RHD: variants seen among roughly 807,000 people sequenced by gnomAD.
RHD encodes the protein blood group Rh(D) polypeptide.
A neutral mutation model predicts 45.5 loss-of-function variants in RHD; 16 were observed. That is an observed-to-expected ratio of 0.35 (90% confidence interval 0.24 to 0.53). The LOEUF (loss-of-function observed/expected upper bound fraction) is 0.53. Ranked by LOEUF, RHD falls within the 20% of genes least tolerant of loss-of-function variation. The pLI is 0.92. For missense variants in RHD, 306 were observed against 532.0 expected (o/e 0.58, Z 4.18); for synonymous variants, 131 against 217.5 (o/e 0.60, Z 3.50).
chr1:25,321,461 G>C (rs1571756413), intron 8 of RHD, among the ~76,000 whole-genome samples: 1 of 111,532 alleles, frequency 9.0e-6, no homozygotes, highest in East Asian at 2.1e-4. Flanking sequence ...GGGAGTTCGA[G>C]ACCAGCCTGG....
At chr1:25,305,566 T>G (rs1174967385) in intron 6 of RHD, among the ~76,000 whole-genome samples, 1 of 123,202 alleles carries the variant, frequency 8.1e-6, no homozygotes, top group African/African-American at 2.8e-5. Context: ...CTGGCTAATT[T>G]TCGTGTGTGT....
intron 7 of RHD, chr1:25,307,844 G>A (rs1323770789): frequency 7.7e-7 from 1 of 1,297,098 alleles, no homozygotes; most frequent in African/African-American, 1.5e-5. Context: ...GGGATGAGGA[G>A]GGGATGAGCT....
Position 25,318,456 on chromosome 1 carries a change from C to T in RHD, c.1153+1377C>T, listed in dbSNP as rs376198514. Among the ~76,000 whole-genome samples, 7 of 129,972 alleles carry T rather than the reference C, an allele frequency of 5.4e-5. 1 individual carries two copies. The highest frequency in any genetic ancestry group is 4.7e-4 in the South Asian group (2 of 4,216). The allele number at this position is 129,972 out of a possible 152,430, so 85.3% of individuals were successfully genotyped here. A position where few individuals can be genotyped will look rare whatever the true frequency, so the allele number is the denominator to read the frequency against. On this transcript the variant is annotated intron_variant, in intron 8 of 9. Coordinates refer to ENST00000328664, the MANE Select transcript of RHD (RefSeq NM_016124.6). The stretch of plus-strand genomic sequence containing the variant: ...TACAAAAATTAGCCAGGCGTGGTGG[C>T]GTGTGCCTGTAGTCCCAGCTACTGG...
In RHD at chr1:25,303,477, T is replaced by C. The variant is rs374901876; in HGVS notation, c.939+18T>C. 3 of 1,378,372 alleles carry C rather than the reference T, an allele frequency of 2.2e-6. No individual in the cohort carries two copies. The African/African-American group carries it at 4.3e-5, about 20-fold the overall frequency. The allele number at this position is 1,378,372 out of a possible 1,614,324, so 85.4% of individuals were successfully genotyped here. ...ACCTGCCGGTAAGAAACTAGACAAC[T>C]AACCTCCTCTGCTTTGGCTGAAGGC... On this transcript the variant is annotated intron_variant, in intron 6 of 9. Transcript: ENST00000328664.
chr1:25,291,095 G>A (rs112946367), intron 3 of RHD, among the ~76,000 whole-genome samples: 2,324 of 130,142 alleles, frequency 0.018, 255 homozygotes, highest in African/African-American at 0.057. Flanking sequence ...GTTAGGGACC[G>A]AGCTGGGCAA....
rs565809384 is a variant in RHD at position 25,289,178 on chromosome 1, C to A, written c.336-1463C>A. On this transcript the variant is annotated intron_variant, in intron 2 of 9. Transcript: ENST00000328664. Reference sequence around the variant, plus strand: ...TGGGATACTGAATGGTGAGCTAGCACGATTTTACAGAGAGTGAATTTTTTT... The same window carrying A: ...TGGGATACTGAATGGTGAGCTAGCAAGATTTTACAGAGAGTGAATTTTTTT... Among the ~76,000 whole-genome samples the A allele has an allele frequency of 1.7e-4, 23 of 132,234 alleles. 4 individuals are homozygous for A. Among genetic ancestry groups the A allele is most frequent in the African/African-American group, 5.7e-4 (22 of 38,816 alleles). 86.8% of individuals were successfully genotyped at this position (132,234 alleles called of 152,430 possible). A position where few individuals can be genotyped will look rare whatever the true frequency, so the allele number is the denominator to read the frequency against.
chr1:25,285,074 G>C (rs539353031), intron 2 of RHD, among the ~76,000 whole-genome samples: 2 of 133,814 alleles, frequency 1.5e-5, no homozygotes, highest in Admixed American at 7.2e-5. Context: ...TATGGAAAAC[G>C]TAAGAAGGAA....
At position 25,308,946 on chromosome 1, in the gene RHD, G is replaced by A. The variant is rs1643994126; in HGVS notation, c.1073+2217G>A. Among the ~76,000 whole-genome samples, 3 of 131,758 alleles carry A rather than the reference G, an allele frequency of 2.3e-5. 1 individual carries two copies. Among genetic ancestry groups the A allele is most frequent in the Admixed American group, 7.3e-5 (1 of 13,626 alleles). The allele number at this position is 131,758 out of a possible 152,430, so 86.4% of individuals were successfully genotyped here. A position where few individuals can be genotyped will look rare whatever the true frequency, so the allele number is the denominator to read the frequency against. The stretch of plus-strand genomic sequence containing the variant: ...AAAATAAGACCTATGTCACAGGGTT[G>A]CTGTGCAGATTTAGCAACAGAACAT... On this transcript the variant is annotated intron_variant, in intron 7 of 9. Coordinates refer to ENST00000328664, the MANE Select transcript of RHD (RefSeq NM_016124.6).
chr1:25,274,446 T>C (rs1294817909), intron 1 of RHD, among the ~76,000 whole-genome samples: 1 of 132,330 alleles, frequency 7.6e-6, no homozygotes, highest in African/African-American at 2.6e-5. Flanking sequence ...TCTTTACCCC[T>C]GCACCGTGCT....
chr1:25,300,474 T>C (rs1172998603), intron 3 of RHD, among the ~76,000 whole-genome samples: 1 of 115,810 alleles, frequency 8.6e-6, no homozygotes, highest in Non-Finnish European at 2.0e-5. Context: ...GCCACACCAC[T>C]GCACTCCAGC....
chr1:25,291,052 G>T (rs1260487055), intron 3 of RHD, among the ~76,000 whole-genome samples: 1 of 131,118 alleles, frequency 7.6e-6, no homozygotes, highest in African/African-American at 2.6e-5. Flanking sequence ...AGGAGGCTGA[G>T]GTGTGAGTTG....
Position 25,289,153 on chromosome 1 carries a change from T to TG in RHD, c.336-1485dup, listed in dbSNP as rs201968383. Among the ~76,000 whole-genome samples, 264 of 132,040 alleles carry TG rather than the reference T, an allele frequency of 2.0e-3. 19 individuals carry two copies. Among genetic ancestry groups the TG allele is most frequent in the African/African-American group, 6.2e-3 (239 of 38,690 alleles). 86.6% of individuals were successfully genotyped at this position (132,040 alleles called of 152,430 possible). Reference sequence around the variant, plus strand: ...ATCCTCTACGTGACCCTCTGTAAAATGGGATACTGAATGGTGAGCTAGCAC... The same window carrying TG: ...ATCCTCTACGTGACCCTCTGTAAAATGGGGATACTGAATGGTGAGCTAGCAC... On this transcript the variant is annotated intron_variant, in intron 2 of 9. Transcript: ENST00000328664.
intron 1 of RHD, among the ~76,000 whole-genome samples, chr1:25,281,348 C>A (rs1330413942): frequency 7.6e-6 from 1 of 130,888 alleles, no homozygotes; most frequent in African/African-American, 2.7e-5. Context: ...CCCTCACAGG[C>A]TCTCTCTGGT....
intron 1 of RHD, among the ~76,000 whole-genome samples, chr1:25,274,861 G>A (rs1640810135): frequency 7.6e-6 from 1 of 131,256 alleles, no homozygotes; most frequent in Admixed American, 7.4e-5. Context: ...ATAAAAACTG[G>A]CTGGGTGTGG....
rs1309023913 is a variant in RHD at position 25,289,642 on chromosome 1, T to C, written c.336-999T>C. ...GGGAGGAGGGAGTCTCAGAGCAAGC[T>C]GCTCAGGGGAGACTGGATGTCCATG... On this transcript the variant is annotated intron_variant, in intron 2 of 9. Coordinates refer to ENST00000328664, the MANE Select transcript of RHD (RefSeq NM_016124.6). Among the ~76,000 whole-genome samples the C allele has an allele frequency of 1.6e-5, 2 of 124,834 alleles. 1 individual carries two copies. The highest frequency in any genetic ancestry group is 3.8e-5 in the Non-Finnish European group (2 of 52,848). 81.9% of individuals were successfully genotyped at this position (124,834 alleles called of 152,430 possible). A position where few individuals can be genotyped will look rare whatever the true frequency, so the allele number is the denominator to read the frequency against.
At chr1:25,294,893 G>GT (rs1642812140) in intron 3 of RHD, among the ~76,000 whole-genome samples, 1 of 118,572 alleles carries the variant, frequency 8.4e-6, no homozygotes, top group Non-Finnish European at 1.9e-5. Flanking sequence ...GTGGAAGAGA[G>GT]TGAGAGGGCT....
chr1:25,320,350 A>T (rs971950551), intron 8 of RHD, among the ~76,000 whole-genome samples: 1 of 132,414 alleles, frequency 7.6e-6, no homozygotes, highest in African/African-American at 2.6e-5. Context: ...TTTTAAAAAA[A>T]GTCTAAATAT....
chr1:25,306,631 C>T lies in RHD; in HGVS notation c.975C>T (p.Ser325=), dbSNP rs199504547. The T allele has an allele frequency of 9.6e-5, 133 of 1,378,452 alleles. 9 individuals are homozygous for T. In the East Asian group the frequency reaches 2.8e-3, roughly 29 times the overall value. The allele number at this position is 1,378,452 out of a possible 1,614,324, so 85.4% of individuals were successfully genotyped here. ...ACCGAGTGCTGGGGATTCCCCACAG[C>T]TCCATCATGGGCTACAACTTCAGCT... is the stretch of plus-strand genomic sequence containing the variant. The part of the protein sequence containing the change: ...CCNRVLGIPH[S]SIMGYNFSLL... Residue 325 remains serine, a synonymous_variant, in exon 7 of 10, where the codon AGC becomes AGT. Coordinates refer to ENST00000328664, the MANE Select transcript of RHD (RefSeq NM_016124.6).
intron 2 of RHD, among the ~76,000 whole-genome samples, chr1:25,286,271 T>C (rs369395477): frequency 2.1e-4 from 29 of 135,494 alleles, no homozygotes; most frequent in East Asian, 2.1e-3. Context: ...GGCAGATCAC[T>C]TGAGCCCAGA....
Sources: allele counts gnomAD v4.1 joint callset (sites outside exome capture counted in the v4.1 genomes callset), GRCh38; gene constraint gnomAD v4.1.1; transcripts MANE v1.5; gene names NCBI Gene and HGNC (gene_info 2026-07-23, HGNC 2026-07-21).